FHIT: variants seen among roughly 807,000 people sequenced by gnomAD.
FHIT encodes the protein fragile histidine triad diadenosine triphosphatase.
FHIT carries 19 observed loss-of-function variants against 17.9 expected under a neutral mutation model. The ratio of observed to expected loss-of-function variants is 1.06; its 90% CI spans 0.74 to 1.56. The LOEUF (loss-of-function observed/expected upper bound fraction) is 1.56, where lower values mean the gene tolerates loss of function less well. Ranked by LOEUF, FHIT falls within the 40% of genes most tolerant of loss-of-function variation. The probability of loss-of-function intolerance (pLI) is 0.00; values close to 1 mark genes in which losing one functional copy is unlikely to be tolerated. For missense variants in FHIT, 248 were observed against 189.2 expected, an observed-to-expected ratio of 1.31 and a Z score of -1.82; for synonymous variants, 81 against 69.7, an observed-to-expected ratio of 1.16 and a Z score of -0.81.
chr3:60,718,051 G>T (rs2041727081), intron 4 of FHIT, among the ~76,000 whole-genome samples: 1 of 152,090 alleles, frequency 6.6e-6, no homozygotes, highest in Admixed American at 6.6e-5. Flanking sequence ...CTGTCAGTAT[G>T]GTATTGGATC....
At chr3:60,173,915 A>ATATATATATATTTTTT in intron 5 of FHIT, among the ~76,000 whole-genome samples, 6 of 66,432 alleles carry the variant, frequency 9.0e-5, no homozygotes, top group Admixed American at 2.1e-4. Context: ...ATATATATAT[A>ATATATATATATTTTTT]TGTTTTTTTT....
intron 4 of FHIT, among the ~76,000 whole-genome samples, chr3:60,729,595 T>C (rs146253483): frequency 6.6e-6 from 1 of 152,292 alleles, no homozygotes; most frequent in African/African-American, 2.4e-5. Context: ...CATACTATTG[T>C]TTCTCATAAG....
At chr3:59,920,297 A>G (rs2107183361) in intron 8 of FHIT, among the ~76,000 whole-genome samples, 1 of 152,266 alleles carries the variant, frequency 6.6e-6, no homozygotes, top group East Asian at 1.9e-4. Context: ...TTGTACCACA[A>G]TTTCCCTTAG....
At chr3:61,013,419 C>T (rs1394974774) in intron 3 of FHIT, among the ~76,000 whole-genome samples, 1 of 152,164 alleles carries the variant, frequency 6.6e-6, no homozygotes, top group Non-Finnish European at 1.5e-5. Flanking sequence ...TTTCAAATAA[C>T]AATCTTCTCC....
intron 8 of FHIT, among the ~76,000 whole-genome samples, chr3:59,754,202 C>G (rs1466964839): frequency 7.1e-6 from 1 of 140,770 alleles, no homozygotes; most frequent in Non-Finnish European, 1.5e-5. Context: ...TGTATTTCCA[C>G]TCCTGGTAAG....
chr3:61,156,056 T>C (rs545195384), intron 2 of FHIT, among the ~76,000 whole-genome samples: 5 of 152,290 alleles, frequency 3.3e-5, no homozygotes, highest in Middle Eastern at 3.4e-3. Context: ...GGACAACATT[T>C]CACATGTGTT....
chr3:59,958,198 G>A (rs1403547279), intron 7 of FHIT, among the ~76,000 whole-genome samples: 1 of 152,120 alleles, frequency 6.6e-6, no homozygotes, highest in Non-Finnish European at 1.5e-5. Flanking sequence ...TGACAAAATT[G>A]GCACATATCT....
At chr3:60,604,241 G>A (rs535452810) in intron 4 of FHIT, among the ~76,000 whole-genome samples, 34 of 152,212 alleles carry the variant, frequency 2.2e-4, no homozygotes, top group African/African-American at 6.7e-4. Flanking sequence ...GCAGAACCAC[G>A]CAATTAATTA....
chr3:61,006,341 A>T (rs1344086948), intron 3 of FHIT, among the ~76,000 whole-genome samples: 2 of 152,214 alleles, frequency 1.3e-5, no homozygotes, highest in Non-Finnish European at 2.9e-5. Flanking sequence ...ACGCAGCTGA[A>T]CAAAAACGTT....
chr3:61,199,552 ACT>A (rs2038955072), intron 2 of FHIT, among the ~76,000 whole-genome samples: 1 of 152,126 alleles, frequency 6.6e-6, no homozygotes, highest in Admixed American at 6.5e-5. Flanking sequence ...TTTTTTTATA[ACT>A]CATATTTTTA....
chr3:60,090,368 C>T (rs1241825534), intron 5 of FHIT, among the ~76,000 whole-genome samples: 1 of 152,140 alleles, frequency 6.6e-6, no homozygotes, highest in Non-Finnish European at 1.5e-5. Context: ...CTAAATAAGC[C>T]CTAATGAGTT....
intron 8 of FHIT, among the ~76,000 whole-genome samples, chr3:59,912,485 G>C (rs1385237874): frequency 6.6e-6 from 1 of 152,098 alleles, no homozygotes; most frequent in African/African-American, 2.4e-5. Context: ...AATGTGCAAT[G>C]TCCTTTCAAT....
At chr3:60,628,857 G>A (rs958232858) in intron 4 of FHIT, among the ~76,000 whole-genome samples, 3 of 152,126 alleles carry the variant, frequency 2.0e-5, no homozygotes, top group Non-Finnish European at 4.4e-5. Flanking sequence ...TGAGCCTGGA[G>A]CTCCAGAGCT....
chr3:61,137,870 A>G (rs1367025837), intron 2 of FHIT, among the ~76,000 whole-genome samples: 1 of 152,136 alleles, frequency 6.6e-6, no homozygotes, highest in Non-Finnish European at 1.5e-5. Flanking sequence ...CTGCAGCCTC[A>G]CACAGTCTTT....
At chr3:59,907,284 T>G (rs780093545) in intron 8 of FHIT, among the ~76,000 whole-genome samples, 4 of 152,234 alleles carry the variant, frequency 2.6e-5, no homozygotes, top group Non-Finnish European at 5.9e-5. Context: ...TTACTGTCAC[T>G]AATTTCTTAC....
At chr3:60,987,074 A>T (rs975790204) in intron 3 of FHIT, among the ~76,000 whole-genome samples, 2 of 152,192 alleles carry the variant, frequency 1.3e-5, no homozygotes, top group East Asian at 3.9e-4. Context: ...ACCATATGTG[A>T]GCAGTTGGAA....
intron 5 of FHIT, among the ~76,000 whole-genome samples, chr3:60,111,462 C>T (rs1028099456): frequency 6.6e-6 from 1 of 152,112 alleles, no homozygotes; most frequent in African/African-American, 2.4e-5. Context: ...CTACTGACAC[C>T]CTAGAAAAAT....
intron 3 of FHIT, among the ~76,000 whole-genome samples, chr3:60,955,600 A>ATGTATATATG (rs1553778455): frequency 0.22 from 3,098 of 14,092 alleles, 164 homozygotes; most frequent in South Asian, 0.41. Flanking sequence ...ATATATACAT[A>ATGTATATATG]TATATATATA....
chr3:59,840,625 T>A (rs1701500185), intron 8 of FHIT, among the ~76,000 whole-genome samples: 1 of 152,168 alleles, frequency 6.6e-6, no homozygotes, highest in Non-Finnish European at 1.5e-5. Context: ...ATTTTGTGTG[T>A]AGAAGCCTTG....
Sources: gnomAD v4.1 joint callset for allele counts (sites outside exome capture counted in the v4.1 genomes callset) on GRCh38, gnomAD v4.1.1 for gene constraint, MANE v1.5 for transcripts, NCBI Gene and HGNC (gene_info 2026-07-23, HGNC 2026-07-21) for gene names.